Variants in HDAC8 observed in about 807,000 individuals in gnomAD.
HDAC8 encodes the protein histone deacetylase 8.
HDAC8 carries 1 observed loss-of-function variant against 32.2 expected under a neutral mutation model. The observed-to-expected ratio is 0.03, with a 90% confidence interval of 0.01 to 0.15. The LOEUF is 0.15. Ranked by LOEUF, HDAC8 falls within the 10% of genes least tolerant of loss-of-function variation. The pLI is 1.00. For synonymous variants in HDAC8, 108 were observed against 113.9 expected (o/e 0.95, Z 0.33); for missense variants, 117 against 300.0 (o/e 0.39, Z 4.51).
chrX:72,368,580 C>A (rs1167055688), intron 9 of HDAC8, among the ~76,000 whole-genome samples: 1 of 111,643 alleles, frequency 9.0e-6, no homozygotes, highest in African/African-American at 3.3e-5. Flanking sequence ...TGGTCTCGAT[C>A]TCCTGACCTT....
At chrX:72,427,372 A>C (rs1021084067) in intron 9 of HDAC8, among the ~76,000 whole-genome samples, 1 of 110,960 alleles carries the variant, frequency 9.0e-6, no homozygotes, top group Admixed American at 9.6e-5. Flanking sequence ...GATAGACTGG[A>C]TTAAGAAAAT....
Position 72,530,307 on chromosome X carries a change from C to T in HDAC8, c.438-35039G>A, listed in dbSNP as rs138024242. On this transcript the variant is annotated intron_variant, in intron 4 of 10. Coordinates refer to ENST00000373573, the MANE Select transcript of HDAC8 (RefSeq NM_018486.3). ...CTACTTGGGAGGGTACTTCTAGAGC[C>T]CTCAGTTGCCTGAAATGCTGTACCA... is the stretch of plus-strand genomic sequence containing the variant. 1.1e-3 allele frequency among the ~76,000 whole-genome samples: 128 copies of T among 111,732 alleles called. 2 individuals carry two copies. The highest frequency in any genetic ancestry group is 4.0e-3 in the African/African-American group (124 of 30,762).
intron 7 of HDAC8, among the ~76,000 whole-genome samples, chrX:72,472,036 TA>T (rs1555997949): frequency 9.2e-6 from 1 of 108,711 alleles, no homozygotes; most frequent in Non-Finnish European, 1.9e-5. Context: ...TGGTGCGAGG[TA>T]AGGGTCCAAC....
intron 4 of HDAC8, among the ~76,000 whole-genome samples, chrX:72,546,825 C>T (rs2050878851): frequency 9.0e-6 from 1 of 111,311 alleles, no homozygotes; most frequent in South Asian, 3.8e-4. Context: ...TGACTTCTTT[C>T]GCTCTGGCTT....
chrX:72,444,158 A>C (rs2147992267), intron 9 of HDAC8, among the ~76,000 whole-genome samples: 1 of 104,347 alleles, frequency 9.6e-6, no homozygotes, highest in South Asian at 4.7e-4. Flanking sequence ...TCAATAGAAA[A>C]AGAGGGAATC....
intron 9 of HDAC8, among the ~76,000 whole-genome samples, chrX:72,396,853 A>AACAACAACAAC (rs782360153): frequency 0.031 from 3,477 of 111,236 alleles, 139 homozygotes; most frequent in African/African-American, 0.11. Context: ...ACAACAACAA[A>AACAACAACAAC]AACAACAACA....
intron 4 of HDAC8, among the ~76,000 whole-genome samples, chrX:72,497,749 A>G (rs782616573): frequency 4.5e-5 from 5 of 112,198 alleles, no homozygotes; most frequent in Non-Finnish European, 9.4e-5. Flanking sequence ...GTTTTGCAGT[A>G]TATCAACTTG....
intron 9 of HDAC8, among the ~76,000 whole-genome samples, chrX:72,452,824 C>T (rs1384348826): frequency 9.0e-6 from 1 of 111,216 alleles, no homozygotes; most frequent in African/African-American, 3.3e-5. Context: ...GCAAATGTGA[C>T]CTATAATCTG....
intron 9 of HDAC8, among the ~76,000 whole-genome samples, chrX:72,377,829 G>C (rs938381415): frequency 1.8e-5 from 2 of 111,354 alleles, no homozygotes; most frequent in Non-Finnish European, 3.8e-5. Context: ...ATAAGGCATA[G>C]TCTATGTATG....
intron 4 of HDAC8, among the ~76,000 whole-genome samples, chrX:72,506,687 G>A (rs782312138): frequency 1.8e-5 from 2 of 110,711 alleles, no homozygotes; most frequent in South Asian, 3.9e-4. Flanking sequence ...AAACCATAGC[G>A]GTAACCAAGA....
chrX:72,416,451 T>C (rs1166892275), intron 9 of HDAC8, among the ~76,000 whole-genome samples: 1 of 73,699 alleles, frequency 1.4e-5, no homozygotes, highest in Non-Finnish European at 2.6e-5. Context: ...TTTTGGTCAC[T>C]CTTACTAGAG....
At chrX:72,558,174 G>T (rs1413120589) in intron 4 of HDAC8, among the ~76,000 whole-genome samples, 3 of 112,058 alleles carry the variant, frequency 2.7e-5, no homozygotes, top group Non-Finnish European at 5.6e-5. Context: ...AAGAAGAATT[G>T]ATACCAATCT....
At chrX:72,398,633 C>T (rs2045824512) in intron 9 of HDAC8, among the ~76,000 whole-genome samples, 1 of 110,297 alleles carries the variant, frequency 9.1e-6, no homozygotes, top group Non-Finnish European at 1.9e-5. Flanking sequence ...GCCACCACGT[C>T]TAGCGGGATT....
At chrX:72,567,711 T>C in intron 4 of HDAC8, 178 bp downstream of exon 4, 2 of 1,206,241 alleles carry the variant, frequency 1.7e-6, no homozygotes, top group Non-Finnish European at 2.2e-6. Context: ...AGCAGTGTGC[T>C]TTCCACTATA....
chrX:72,543,064 C>G (rs781966340), intron 4 of HDAC8, among the ~76,000 whole-genome samples: 1 of 111,583 alleles, frequency 9.0e-6, no homozygotes, highest in Non-Finnish European at 1.9e-5. Flanking sequence ...GGATTCAAAC[C>G]CAGGCAGTGT....
intron 4 of HDAC8, among the ~76,000 whole-genome samples, chrX:72,548,241 G>A (rs1428987483): frequency 1.8e-5 from 2 of 111,685 alleles, no homozygotes; most frequent in Non-Finnish European, 3.8e-5. Context: ...GTTTGAAAGT[G>A]CAGGTTCCTA....
chrX:72,419,608 T>G (rs782762961), intron 9 of HDAC8, among the ~76,000 whole-genome samples: 8 of 111,835 alleles, frequency 7.2e-5, no homozygotes, highest in Admixed American at 6.6e-4. Context: ...TTATTCATTT[T>G]TCTTGTCTAG....
At chrX:72,465,271 T>A (rs2047987425) in intron 7 of HDAC8, among the ~76,000 whole-genome samples, 1 of 111,756 alleles carries the variant, frequency 8.9e-6, no homozygotes, top group Non-Finnish European at 1.9e-5. Context: ...CAATCCTCCC[T>A]AATGCATATG....
chrX:72,563,418 G>A (rs2147566517), intron 4 of HDAC8, among the ~76,000 whole-genome samples: 1 of 110,923 alleles, frequency 9.0e-6, no homozygotes, highest in African/African-American at 3.3e-5. Context: ...GTATGTGCCT[G>A]TAGTCCCAGC....
Sources: gnomAD v4.1 joint callset for allele counts (sites outside exome capture counted in the v4.1 genomes callset) on GRCh38, gnomAD v4.1.1 for gene constraint, MANE v1.5 for transcripts, NCBI Gene and HGNC (gene_info 2026-07-23, HGNC 2026-07-21) for gene names.